The following CAMLG variants were observed in gnomAD, a reference collection of about 807,000 sequenced individuals.
CAMLG encodes guided entry of tail-anchored proteins factor CAMLG.
CAMLG carries 23 observed loss-of-function variants against 28.9 expected under a neutral mutation model. The observed-to-expected ratio is 0.80, with a 90% CI of 0.57 to 1.13. The LOEUF is 1.13. Ranked by LOEUF, CAMLG falls within the 50% of genes most tolerant of loss-of-function variation. CAMLG has a pLI of 0.00. For missense variants in CAMLG, 367 were observed against 371.9 expected, an observed-to-expected ratio of 0.99 and a Z score of 0.11; for synonymous variants, 141 against 146.5, an observed-to-expected ratio of 0.96 and a Z score of 0.27.
intron 3 of CAMLG, among the ~76,000 whole-genome samples, chr5:134,744,953 G>A (rs1288597574): frequency 1.3e-5 from 2 of 152,116 alleles, no homozygotes; most frequent in East Asian, 3.9e-4. Context: ...TAGTGTGATC[G>A]AATTTTGTGG....
chr5:134,747,645 A>AT (rs551808122), intron 3 of CAMLG, among the ~76,000 whole-genome samples: 19,473 of 132,136 alleles, frequency 0.15, 1,470 homozygotes, highest in East Asian at 0.33. Context: ...CATGCTCGGC[A>AT]TTTTTTTTTT....
At chr5:134,739,966 C>T (rs1752963557) in intron 1 of CAMLG, among the ~76,000 whole-genome samples, 1 of 152,132 alleles carries the variant, frequency 6.6e-6, no homozygotes, top group Admixed American at 6.6e-5. Flanking sequence ...GCCTCAAACT[C>T]CTGGGCTTAA....
chr5:134,738,748 G>GC lies in CAMLG; in HGVS notation c.129dup (p.Ile44HisfsTer28). On this transcript the variant is annotated frameshift_variant, in exon 1 of 4. Transcript: ENST00000297156. LOFTEE classifies it high-confidence loss of function. Reference sequence around the variant, plus strand: ...AAGCTGCTCATGAACTCGGAACAGCGCATCAACCGGATCATGGGCTTTCAC... The same window carrying GC: ...AAGCTGCTCATGAACTCGGAACAGCGCCATCAACCGGATCATGGGCTTTCAC... The GC allele has an allele frequency of 6.2e-7, 1 of 1,614,104 alleles. No individual in the cohort carries two copies. Among genetic ancestry groups the GC allele is most frequent in the South Asian group, 1.1e-5 (1 of 91,082 alleles).
intron 2 of CAMLG, 22 bp from the exon 3 acceptor site, chr5:134,743,965 A>C (rs377279313): frequency 2.6e-6 from 3 of 1,133,290 alleles, no homozygotes; most frequent in Non-Finnish European, 4.0e-6. Context: ...GAAATATTTA[A>C]TTTTATCTTC....
rs1753115524 is a variant in CAMLG at position 134,751,732 on chromosome 5, G to A, written c.*782G>A. 6.6e-6 allele frequency: 1 copy of A among 152,306 alleles called. No homozygotes were observed. The highest frequency in any genetic ancestry group is 1.5e-5 in the Non-Finnish European group (1 of 68,134). 9.4% of individuals were successfully genotyped at this position (152,306 alleles called of 1,614,324 possible). A position where few individuals can be genotyped will look rare whatever the true frequency, so the allele number is the denominator to read the frequency against. The stretch of plus-strand genomic sequence containing the variant: ...TTTCGCTCTTGTTGCCCAGGCTAGA[G>A]TGCAATGGCGCCATCTCGGCTCACC... On this transcript the variant is annotated 3_prime_UTR_variant, in exon 4 of 4. Transcript: ENST00000297156.
chr5:134,741,364 A>AT lies in CAMLG; in HGVS notation c.476dup (p.Glu160ArgfsTer12). 1.2e-6 allele frequency: 2 copies of AT among 1,614,204 alleles called. No homozygotes were observed. The highest frequency in any genetic ancestry group is 1.7e-6 in the Non-Finnish European group (2 of 1,180,038). ...ATGGCCTAGAGCAGTACCTTTCCAG[A>AT]TTCGAAGAAGCAATGAAGCTAAGGA... On this transcript the variant is annotated frameshift_variant, in exon 2 of 4. Transcript: ENST00000297156. LOFTEE classifies it high-confidence loss of function.
At position 134,738,793 on chromosome 5, in the gene CAMLG, G is replaced by T. The variant is rs1309236472; in HGVS notation, c.172+1G>T. On this transcript the variant is annotated splice_donor_variant, in intron 1 of 3. Coordinates refer to ENST00000297156, the MANE Select transcript of CAMLG (RefSeq NM_001745.4). LOFTEE classifies it high-confidence loss of function. ...TTTCACAGGCCCGGGAGCGGCGCGG[G>T]TAAGAGCCTCGATTTCCCCTCAGTC... is the stretch of plus-strand genomic sequence containing the variant. 6.2e-7 allele frequency: 1 copy of T among 1,613,900 alleles called. No individual in the cohort carries two copies. The highest frequency in any genetic ancestry group is 1.1e-5 in the South Asian group (1 of 91,074).
intron 2 of CAMLG, among the ~76,000 whole-genome samples, chr5:134,743,677 C>A (rs1753011315): frequency 6.6e-6 from 1 of 152,018 alleles, no homozygotes; most frequent in African/African-American, 2.4e-5. Context: ...ACCATACTGG[C>A]CAACATGGTG....
chr5:134,744,139 T>A, intron 3 of CAMLG, 87 bp downstream of exon 3: 1 of 670,764 alleles, frequency 1.5e-6, no homozygotes, highest in Non-Finnish European at 2.7e-6. Flanking sequence ...ATGTTAGTCC[T>A]GCTTACGGTC....
chr5:134,745,422 G>T lies in CAMLG; in HGVS notation c.699+1370G>T, dbSNP rs1175481074. On this transcript the variant is annotated intron_variant, in intron 3 of 3. Transcript: ENST00000297156. The stretch of plus-strand genomic sequence containing the variant: ...CTGTACTCCAGCAGCCTGGGCGACA[G>T]AGCGAGACTCCTCAAAAAAAAAAAA... Among the ~76,000 whole-genome samples the T allele has an allele frequency of 3.1e-5, 4 of 130,912 alleles. No individual in the cohort carries two copies. The East Asian group carries it at 7.2e-4, about 24-fold the overall frequency. The allele number at this position is 130,912 out of a possible 152,430, so 85.9% of individuals were successfully genotyped here.
chr5:134,751,166 CATT>C lies in CAMLG; in HGVS notation c.*218_*220del, dbSNP rs1049211143. 1.2e-4 allele frequency: 50 copies of C among 410,356 alleles called. No homozygotes were observed. Among genetic ancestry groups the C allele is most frequent in the Middle Eastern group, 6.4e-4 (1 of 1,556 alleles). The allele number at this position is 410,356 out of a possible 1,614,324, so 25.4% of individuals were successfully genotyped here. A position where few individuals can be genotyped will look rare whatever the true frequency, so the allele number is the denominator to read the frequency against. Reference sequence around the variant, plus strand: ...GATATGAAGAATAGAGTACCAATGTCATTAATTGATTTTTCTTGTTAATCAGAA... The same window carrying C: ...GATATGAAGAATAGAGTACCAATGTCAATTGATTTTTCTTGTTAATCAGAA... On this transcript the variant is annotated 3_prime_UTR_variant, in exon 4 of 4. Coordinates refer to ENST00000297156, the MANE Select transcript of CAMLG (RefSeq NM_001745.4).
intron 3 of CAMLG, among the ~76,000 whole-genome samples, chr5:134,749,798 A>G (rs564159147): frequency 3.3e-5 from 5 of 152,234 alleles, no homozygotes; most frequent in African/African-American, 1.2e-4. Flanking sequence ...AGTTCAGTGC[A>G]GCCTCAACCT....
chr5:134,741,530 A>C lies in CAMLG; in HGVS notation c.633+7A>C. The stretch of plus-strand genomic sequence containing the variant: ...TTTTGTTTGCAAATACTTGGTAAGA[A>C]AAGATCTGTAAATTATTAACTAACT... On this transcript the variant is annotated splice_region_variant and intron_variant, in intron 2 of 3. Coordinates refer to ENST00000297156, the MANE Select transcript of CAMLG (RefSeq NM_001745.4). 6.5e-7 allele frequency: 1 copy of C among 1,534,752 alleles called. No homozygotes were observed. Among genetic ancestry groups the C allele is most frequent in the Non-Finnish European group, 8.9e-7 (1 of 1,119,894 alleles).
rs1420274178 is a variant in CAMLG, at chr5:134,741,078, C to T, written c.188C>T (p.Thr63Ile). 2 of 1,610,340 alleles carry T rather than the reference C, an allele frequency of 1.2e-6. No homozygotes were observed. Among genetic ancestry groups the T allele is most frequent in the Admixed American group, 3.3e-5 (2 of 59,906 alleles). Residue 63 changes from threonine (T) to isoleucine (I), a missense_variant, in exon 2 of 4, where the codon ACA (threonine) becomes ATA (isoleucine). Physicochemically the swap from Thr to Ile is moderately conservative, Grantham distance 89 (BLOSUM62 -1). Transcript: ENST00000297156. ...PGSGAEEESQTKSKQQDSDKL... is the reference protein window; with the variant it reads ...PGSGAEEESQIKSKQQDSDKL... ...CTTTTCTCAGAAGAAGAAAGTCAAA[C>T]AAAATCAAAGCAGCAGGACAGTGAT...
chr5:134,738,876 C>T, intron 1 of CAMLG, 84 bp downstream of exon 1: 2 of 1,358,160 alleles, frequency 1.5e-6, no homozygotes, highest in Non-Finnish European at 2.1e-6. Context: ...CTCCACTCCT[C>T]TGACCTTTTT....
At chr5:134,749,733 T>C (rs1467902612) in intron 3 of CAMLG, among the ~76,000 whole-genome samples, 1 of 152,204 alleles carries the variant, frequency 6.6e-6, no homozygotes. Context: ...GTTGTTGTTT[T>C]TGGAGACGGG....
At chr5:134,740,796 G>C (rs1752972833) in intron 1 of CAMLG, among the ~76,000 whole-genome samples, 1 of 152,234 alleles carries the variant, frequency 6.6e-6, no homozygotes, top group Non-Finnish European at 1.5e-5. Context: ...TTTTAGTAGA[G>C]ACGGGGTTTC....
intron 1 of CAMLG, 128 bp downstream of exon 1, chr5:134,738,920 C>G (rs1752952150): frequency 1.1e-6 from 1 of 909,820 alleles, no homozygotes; most frequent in Non-Finnish European, 1.7e-6. Flanking sequence ...CCTCTCTGTC[C>G]CGCCCCTTCG....
intron 3 of CAMLG, among the ~76,000 whole-genome samples, chr5:134,748,683 C>T (rs1272788660): frequency 6.6e-6 from 1 of 152,300 alleles, no homozygotes; most frequent in East Asian, 1.9e-4. Flanking sequence ...ACTTCACTGT[C>T]ACCCCAGGAG....
Sources: allele counts gnomAD v4.1 joint callset (sites outside exome capture counted in the v4.1 genomes callset), GRCh38; gene constraint gnomAD v4.1.1; transcripts MANE v1.5; gene names NCBI Gene and HGNC (gene_info 2026-07-23, HGNC 2026-07-21).